Variants in STX8 observed in about 807,000 individuals in gnomAD.
STX8 encodes syntaxin 8, also known as syntaxin-8.
Under a neutral mutation model 37.5 loss-of-function variants are expected in STX8, and 23 were observed. That is an observed-to-expected ratio of 0.61 (90% CI 0.44 to 0.87). The LOEUF (loss-of-function observed/expected upper bound fraction) is 0.87. Among genes scored for constraint, STX8 ranks in the 40% least tolerant of loss-of-function variants. The pLI is 0.00. For synonymous variants in STX8, 115 were observed against 99.1 expected (o/e 1.16, Z -0.95); for missense variants, 313 against 284.7 (o/e 1.10, Z -0.71).
chr17:9,511,484 A>G (rs1277405432), intron 4 of STX8, among the ~76,000 whole-genome samples: 1 of 152,200 alleles, frequency 6.6e-6, no homozygotes, highest in Admixed American at 6.5e-5. Flanking sequence ...TATCACATCA[A>G]CTATAAAGGA....
At chr17:9,544,793 C>T (rs1165659159) in intron 4 of STX8, among the ~76,000 whole-genome samples, 1 of 152,082 alleles carries the variant, frequency 6.6e-6, no homozygotes, top group Non-Finnish European at 1.5e-5. Context: ...GAGATCGAGA[C>T]CATCCTGACT....
Position 9,449,764 on chromosome 17 carries a change from G to A in STX8, c.541+42065C>T, listed in dbSNP as rs1042991908. On this transcript the variant is annotated intron_variant, in intron 6 of 7. Coordinates refer to ENST00000306357, the MANE Select transcript of STX8 (RefSeq NM_004853.3). ...CATTTTGGAAAAGGCAAAACTTGAG[G>A]GACAGCAAACAAATCAGTGATGCCC... is the stretch of plus-strand genomic sequence containing the variant. Among the ~76,000 whole-genome samples the A allele has an allele frequency of 2.4e-4, 36 of 151,842 alleles. 2 individuals are homozygous for A. Among genetic ancestry groups the A allele is most frequent in the Admixed American group, 9.2e-4 (14 of 15,260 alleles).
rs551823761 is a variant in STX8 at position 9,545,642 on chromosome 17, G to A, written c.213-360C>T. 4.6e-4 allele frequency among the ~76,000 whole-genome samples: 70 copies of A among 152,264 alleles called. No homozygotes were observed. In the South Asian group the frequency reaches 0.01, roughly 23 times the overall value. The stretch of plus-strand genomic sequence containing the variant: ...GTCGCCCAGGCTGGAGTGCAATGGC[G>A]CGATCTCGGCCCACTGCAACCTCTG... On this transcript the variant is annotated intron_variant, in intron 3 of 7. Coordinates refer to ENST00000306357, the MANE Select transcript of STX8 (RefSeq NM_004853.3).
intron 4 of STX8, among the ~76,000 whole-genome samples, chr17:9,515,382 A>G (rs1262833805): frequency 6.6e-6 from 1 of 152,208 alleles, no homozygotes; most frequent in Admixed American, 6.5e-5. Flanking sequence ...GATTCCTTAG[A>G]CTAAGATTTT....
At chr17:9,417,272 G>A (rs368114542) in intron 6 of STX8, among the ~76,000 whole-genome samples, 5 of 152,276 alleles carry the variant, frequency 3.3e-5, no homozygotes, top group African/African-American at 1.2e-4. Context: ...CACGTTAGAT[G>A]ATTACAGAGT....
At chr17:9,297,302 G>A (rs532384117) in intron 7 of STX8, among the ~76,000 whole-genome samples, 1 of 151,236 alleles carries the variant, frequency 6.6e-6, no homozygotes, top group Non-Finnish European at 1.5e-5. Context: ...GTGGTTTAGT[G>A]AGTATAGAAA....
chr17:9,293,716 TAACCCC>T (rs1287947191), intron 7 of STX8, among the ~76,000 whole-genome samples: 1 of 152,116 alleles, frequency 6.6e-6, no homozygotes, highest in East Asian at 1.9e-4. Flanking sequence ...AGCTTTGCAG[TAACCCC>T]AGATGTCATG....
chr17:9,462,735 A>G (rs1905450779), intron 6 of STX8, among the ~76,000 whole-genome samples: 1 of 152,168 alleles, frequency 6.6e-6, no homozygotes, highest in Non-Finnish European at 1.5e-5. Flanking sequence ...CAACGAAATA[A>G]TTTCCATCAG....
rs60408251 is a variant in STX8, at chr17:9,307,943, G to A, written c.644-57298C>T. On this transcript the variant is annotated intron_variant, in intron 7 of 7. Coordinates refer to ENST00000306357, the MANE Select transcript of STX8 (RefSeq NM_004853.3). ...CCCTTGAAGACCCTCATTCCAAAGG[G>A]TTTCTGCCCCATACCTGGGAGAAAG... Among the ~76,000 whole-genome samples, 1,396 of 152,286 alleles carry A rather than the reference G, an allele frequency of 9.2e-3. 19 individuals carry two copies. The highest frequency in any genetic ancestry group is 0.032 in the African/African-American group (1,334 of 41,550).
intron 6 of STX8, among the ~76,000 whole-genome samples, chr17:9,401,382 C>T (rs1048941072): frequency 2.0e-5 from 3 of 152,150 alleles, no homozygotes; most frequent in Non-Finnish European, 4.4e-5. Context: ...GATGGTAATA[C>T]AATTTTGAAG....
At chr17:9,379,004 G>T (rs1396255535) in intron 6 of STX8, among the ~76,000 whole-genome samples, 4 of 152,124 alleles carry the variant, frequency 2.6e-5, no homozygotes, top group Non-Finnish European at 4.4e-5. Context: ...CAGCACTTTG[G>T]AAGGCTGAGG....
intron 6 of STX8, among the ~76,000 whole-genome samples, chr17:9,387,921 A>C (rs1392154368): frequency 6.6e-6 from 1 of 152,182 alleles, no homozygotes; most frequent in Non-Finnish European, 1.5e-5. Context: ...ACTTAGAGGT[A>C]AATCAATAAA....
intron 3 of STX8, chr17:9,554,181 A>T (rs1366745016): frequency 6.6e-6 from 1 of 152,470 alleles, no homozygotes; most frequent in Non-Finnish European, 1.5e-5. Flanking sequence ...AATCGCTTGA[A>T]CTTGGGAAGC....
chr17:9,446,156 C>T (rs1239595569), intron 6 of STX8, among the ~76,000 whole-genome samples: 1 of 152,098 alleles, frequency 6.6e-6, no homozygotes, highest in Non-Finnish European at 1.5e-5. Flanking sequence ...ATATTTTAAA[C>T]AAAGACATTT....
intron 7 of STX8, among the ~76,000 whole-genome samples, chr17:9,297,735 G>T (rs1908618033): frequency 6.6e-6 from 1 of 152,130 alleles, no homozygotes; most frequent in Non-Finnish European, 1.5e-5. Context: ...AATTAGCCAG[G>T]CATGGTGGCA....
intron 7 of STX8, among the ~76,000 whole-genome samples, chr17:9,293,825 G>C (rs1224023492): frequency 6.6e-6 from 1 of 151,208 alleles, no homozygotes; most frequent in African/African-American, 2.4e-5. Flanking sequence ...GCAGCGGCAC[G>C]ATCTTGGCTC....
chr17:9,287,970 A>G (rs9807034), intron 7 of STX8, among the ~76,000 whole-genome samples: 33,861 of 151,118 alleles, frequency 0.22, 3,977 homozygotes, highest in Middle Eastern at 0.33. Context: ...GGATGGTTTC[A>G]ATCTCTTGAC....
At chr17:9,355,757 C>T (rs1910860608) in intron 7 of STX8, among the ~76,000 whole-genome samples, 2 of 152,110 alleles carry the variant, frequency 1.3e-5, no homozygotes, top group South Asian at 2.1e-4. Flanking sequence ...ATCTGCCCGC[C>T]TCAGCCTCCC....
intron 7 of STX8, among the ~76,000 whole-genome samples, chr17:9,287,866 T>G (rs377671587): frequency 1.8e-4 from 28 of 151,994 alleles, no homozygotes; most frequent in African/African-American, 6.3e-4. Flanking sequence ...CTGTCCTGCC[T>G]CAGCCTCCCA....
Sources: gnomAD v4.1 joint callset for allele counts (sites outside exome capture counted in the v4.1 genomes callset) on GRCh38, gnomAD v4.1.1 for gene constraint, MANE v1.5 for transcripts, NCBI Gene and HGNC (gene_info 2026-07-23, HGNC 2026-07-21) for gene names.